Variants in NLRP7 observed in about 807,000 individuals in gnomAD.
NLRP7 encodes the protein NACHT, LRR and PYD domains-containing protein 7.
A neutral mutation model predicts 85.5 loss-of-function variants in NLRP7; 72 were observed. That is an observed-to-expected ratio of 0.84 (90% confidence interval 0.70 to 1.02). The LOEUF is 1.02. Among genes scored for constraint, NLRP7 ranks in the 50% least tolerant of loss-of-function variants. NLRP7 has a pLI of 0.00. For missense variants in NLRP7, 1,243 were observed against 1,219.5 expected (o/e 1.02, Z -0.29); for synonymous variants, 550 against 505.2 (o/e 1.09, Z -1.19).
rs373838264 is a variant in NLRP7 at position 54,931,422 on chromosome 19, G to C, written c.2643-756C>G. Among the ~76,000 whole-genome samples the C allele has an allele frequency of 2.2e-3, 333 of 152,186 alleles. 1 individual carries two copies. Among genetic ancestry groups the C allele is most frequent in the African/African-American group, 7.8e-3 (325 of 41,536 alleles). The stretch of plus-strand genomic sequence containing the variant: ...ATACAAAAATTAGCTGGGCACGATG[G>C]CTCACACCTGTAATCTCAGCACTTT... On this transcript the variant is annotated intron_variant, in intron 8 of 9. Coordinates refer to ENST00000340844, the Ensembl canonical transcript of NLRP7.
intron 8 of NLRP7, among the ~76,000 whole-genome samples, chr19:54,932,470 T>A (rs770207722): frequency 1.3e-5 from 2 of 151,892 alleles, no homozygotes; most frequent in Non-Finnish European, 2.9e-5. Flanking sequence ...TAGCTAGAAT[T>A]TCTGAACAGG....
chr19:54,930,838 C>G (rs1381084874), intron 8 of NLRP7, among the ~76,000 whole-genome samples, 172 bp from the exon 9 acceptor site: 1 of 152,046 alleles, frequency 6.6e-6, no homozygotes, highest in Non-Finnish European at 1.5e-5. Context: ...GCCTCAGCCT[C>G]CCAAGTAGCT....
At chr19:54,930,719 G>A (rs1222583315) in intron 8 of NLRP7, 53 bp from the exon 9 acceptor site, 14 of 1,492,712 alleles carry the variant, frequency 9.4e-6, no homozygotes, top group Non-Finnish European at 1.3e-5. Context: ...CTAACGCCCT[G>A]TGAAGCAGTT....
intron 7 of NLRP7, 79 bp from the exon 8 acceptor site, chr19:54,933,818 AG>A: frequency 8.2e-7 from 1 of 1,226,400 alleles, no homozygotes; most frequent in Non-Finnish European, 1.2e-6. Context: ...TCCACATGCT[AG>A]GGTACTCAGC....
At chr19:54,947,802 T>TA (rs1222012391), upstream of NLRP7, 1 of 443,270 alleles carries the variant, frequency 2.3e-6, no homozygotes, top group Non-Finnish European at 4.1e-6. Context: ...GAACAGGAAA[T>TA]ACACATTTTG....
intron 9 of NLRP7, among the ~76,000 whole-genome samples, chr19:54,926,071 AT>A (rs1244013482): frequency 6.6e-6 from 1 of 151,914 alleles, no homozygotes; most frequent in Non-Finnish European, 1.5e-5. Flanking sequence ...TCAAAAAAAA[AT>A]AAAAAATACA....
chr19:54,925,621 G>A (rs1339215117), intron 9 of NLRP7, among the ~76,000 whole-genome samples: 2 of 151,982 alleles, frequency 1.3e-5, no homozygotes, highest in African/African-American at 2.4e-5. Flanking sequence ...TCGGCAACAC[G>A]GCCACACAGT....
chr19:54,964,273 G>C, intron 1 of NLRP7, among the ~76,000 whole-genome samples: 1 of 134,168 alleles, frequency 7.5e-6, no homozygotes. Context: ...CTGGAGTGCA[G>C]TGGCGCGATC....
At chr19:54,926,212 G>GTGTA (rs1186923253) in intron 9 of NLRP7, among the ~76,000 whole-genome samples, 1 of 147,030 alleles carries the variant, frequency 6.8e-6, no homozygotes, top group African/African-American at 2.6e-5. Context: ...AGGGGTGTGT[G>GTGTA]TGTGTGTGTG....
At chr19:54,943,617 G>T (rs2069339783) in intron 1 of NLRP7, among the ~76,000 whole-genome samples, 1 of 151,754 alleles carries the variant, frequency 6.6e-6, no homozygotes, top group Admixed American at 6.6e-5. Flanking sequence ...GGGGGCGGGG[G>T]GAAGAGGCAG....
intron 1 of NLRP7, among the ~76,000 whole-genome samples, chr19:54,942,117 G>A (rs746367639): frequency 3.9e-5 from 6 of 151,970 alleles, no homozygotes; most frequent in Non-Finnish European, 7.4e-5. Flanking sequence ...TTAGCAGGGC[G>A]TGGTGGCGGG....
chr19:54,942,828 C>T (rs934329787), intron 1 of NLRP7, among the ~76,000 whole-genome samples: 1 of 152,066 alleles, frequency 6.6e-6, no homozygotes, highest in Non-Finnish European at 1.5e-5. Flanking sequence ...ACATTGAAAA[C>T]AAATAGCAAG....
chr19:54,931,782 G>A (rs934068196), intron 8 of NLRP7, among the ~76,000 whole-genome samples: 2 of 151,840 alleles, frequency 1.3e-5, no homozygotes, highest in Non-Finnish European at 2.9e-5. Flanking sequence ...CCCAGGAAGC[G>A]GAGGTTGCAG....
chr19:54,957,915 T>A lies in NLRP7; in HGVS notation c.-77+8125A>T, dbSNP rs116324268. Among the ~76,000 whole-genome samples, 203 of 152,134 alleles carry A rather than the reference T, an allele frequency of 1.3e-3. 1 individual carries two copies. Among genetic ancestry groups the A allele is most frequent in the African/African-American group, 4.7e-3 (194 of 41,516 alleles). ...GTACAAAGTGAGACCCAGTCTCTATTTAAAAAAGATGGGGAGGGGGCCGGG... is the reference window on the plus strand; with the variant it reads ...GTACAAAGTGAGACCCAGTCTCTATATAAAAAAGATGGGGAGGGGGCCGGG... On this transcript the variant is annotated intron_variant, in intron 1 of 2. Transcript: ENST00000587103.
chr19:54,947,481 AG>A, exon 1 of NLRP7: 2 of 1,289,758 alleles, frequency 1.6e-6, no homozygotes, highest in Non-Finnish European at 2.0e-6. Context: ...CCCTCAGGTC[AG>A]GTCTTGCTTC....
At chr19:54,964,668 A>G (rs1490672645) in intron 1 of NLRP7, among the ~76,000 whole-genome samples, 1 of 149,346 alleles carries the variant, frequency 6.7e-6, no homozygotes, top group Non-Finnish European at 1.5e-5. Flanking sequence ...ATTGAAAAAA[A>G]TACAAAAATT....
rs1047725518 is a variant in NLRP7, at chr19:54,965,233, T to C, written c.-77+807A>G. ...CCCCCGCCCCCAAAAGACCTCTCAGTAATTCCGGTGGATACAGGAAGTGCT... is the reference window on the plus strand; with the variant it reads ...CCCCCGCCCCCAAAAGACCTCTCAGCAATTCCGGTGGATACAGGAAGTGCT... On this transcript the variant is annotated intron_variant, in intron 1 of 2. Transcript: ENST00000587103. 19 of 95,890 alleles carry C rather than the reference T, an allele frequency of 2.0e-4. 7 individuals are homozygous for C. The highest frequency in any genetic ancestry group is 9.3e-4 in the African/African-American group (19 of 20,500). The allele number at this position is 95,890 out of a possible 1,614,324, so 5.9% of individuals were successfully genotyped here. A position where few individuals can be genotyped will look rare whatever the true frequency, so the allele number is the denominator to read the frequency against.
chr19:54,938,187 G>A, exon 5 of NLRP7: 9 of 1,614,072 alleles, frequency 5.6e-6, no homozygotes, highest in African/African-American at 2.7e-5. Context: ...CTGTCCAGAG[G>A]CGAAGAGAGC....
chr19:54,949,419 A>G (rs145568829), upstream of NLRP7, among the ~76,000 whole-genome samples: 839 of 152,036 alleles, frequency 5.5e-3, 6 homozygotes, highest in Middle Eastern at 0.01. Flanking sequence ...CTGAAGAAAA[A>G]GAAAATAAAA....
Sources: gnomAD v4.1 joint callset for allele counts (sites outside exome capture counted in the v4.1 genomes callset) on GRCh38, gnomAD v4.1.1 for gene constraint, MANE v1.5 for transcripts, NCBI Gene and HGNC (gene_info 2026-07-23, HGNC 2026-07-21) for gene names.